The following GPR158 variants were observed in gnomAD, a reference collection of about 807,000 sequenced individuals.
GPR158 encodes the protein G protein-coupled receptor 158, also known as metabotropic glycine receptor.
In GPR158, 30 loss-of-function variants were observed where a neutral mutation model predicts 78.2. That is an observed-to-expected ratio of 0.38 (90% CI 0.29 to 0.52). The LOEUF (loss-of-function observed/expected upper bound fraction) is 0.52, where lower values mean the gene tolerates loss of function less well. Ranked by LOEUF, GPR158 falls within the 20% of genes least tolerant of loss-of-function variation. The pLI, the probability that GPR158 is intolerant of heterozygous loss-of-function variation, is 0.83. For synonymous variants in GPR158, 581 were observed against 591.1 expected, an observed-to-expected ratio of 0.98 and a Z score of 0.25; for missense variants, 1,463 against 1,523.5, an observed-to-expected ratio of 0.96 and a Z score of 0.66.
intron 5 of GPR158, among the ~76,000 whole-genome samples, chr10:25,537,082 A>G (rs959790794): frequency 2.0e-5 from 3 of 152,236 alleles, no homozygotes; most frequent in African/African-American, 7.2e-5. Flanking sequence ...TCTGCCAGAA[A>G]ATGATTGTAA....
At chr10:25,312,052 C>T (rs1182477911) in intron 2 of GPR158, among the ~76,000 whole-genome samples, 2 of 151,908 alleles carry the variant, frequency 1.3e-5, no homozygotes, top group Non-Finnish European at 2.9e-5. Flanking sequence ...TGGCCTTATA[C>T]AAATTTGTAG....
chr10:25,291,965 A>G (rs1228423155), intron 2 of GPR158, among the ~76,000 whole-genome samples: 1 of 152,106 alleles, frequency 6.6e-6, no homozygotes, highest in Non-Finnish European at 1.5e-5. Context: ...TACTGGGGAA[A>G]CTTACTGTAG....
chr10:25,238,007 TCTC>T (rs1853549138), intron 2 of GPR158, among the ~76,000 whole-genome samples: 1 of 152,174 alleles, frequency 6.6e-6, no homozygotes, highest in African/African-American at 2.4e-5. Flanking sequence ...TCTTCTTTTC[TCTC>T]TTCTCTGCTC....
intron 4 of GPR158, among the ~76,000 whole-genome samples, chr10:25,445,914 G>C (rs1434273027): frequency 6.6e-5 from 10 of 152,154 alleles, no homozygotes; most frequent in African/African-American, 1.9e-4. Context: ...GACATCCTGA[G>C]GTTAAGGTAT....
intron 4 of GPR158, among the ~76,000 whole-genome samples, chr10:25,430,857 T>C (rs1260969841): frequency 6.6e-6 from 1 of 151,838 alleles, no homozygotes; most frequent in Admixed American, 6.6e-5. Context: ...ATACAAAAAT[T>C]AATTCAACAT....
intron 2 of GPR158, among the ~76,000 whole-genome samples, chr10:25,387,974 CT>C (rs1452570546): frequency 3.5e-5 from 3 of 85,144 alleles, no homozygotes; most frequent in Admixed American, 2.0e-4. Flanking sequence ...TATATCTGTT[CT>C]TTTTTATTAT....
At chr10:25,308,619 T>A (rs1484664115) in intron 2 of GPR158, among the ~76,000 whole-genome samples, 1 of 152,176 alleles carries the variant, frequency 6.6e-6, no homozygotes, top group African/African-American at 2.4e-5. Flanking sequence ...ACTAAGCACA[T>A]TCATCTTTCA....
intron 2 of GPR158, among the ~76,000 whole-genome samples, chr10:25,223,026 A>G (rs183345843): frequency 6.6e-6 from 1 of 152,126 alleles, no homozygotes; most frequent in Non-Finnish European, 1.5e-5. Context: ...CAGGATGATT[A>G]ATTTTCTGGG....
At chr10:25,298,129 T>C (rs1854541959) in intron 2 of GPR158, among the ~76,000 whole-genome samples, 1 of 152,226 alleles carries the variant, frequency 6.6e-6, no homozygotes, top group African/African-American at 2.4e-5. Flanking sequence ...TATATACTAA[T>C]AGGTTACTTC....
chr10:25,179,763 A>T (rs934561904), intron 1 of GPR158, among the ~76,000 whole-genome samples: 1 of 152,182 alleles, frequency 6.6e-6, no homozygotes, highest in African/African-American at 2.4e-5. Context: ...CTTTTGTTAC[A>T]TATCTATGGT....
chr10:25,529,115 A>T (rs1836389811), intron 5 of GPR158, among the ~76,000 whole-genome samples: 1 of 152,188 alleles, frequency 6.6e-6, no homozygotes, highest in South Asian at 2.1e-4. Flanking sequence ...ACGGCCAGGC[A>T]TGGTGGCTCA....
chr10:25,592,984 G>A (rs1837361531), intron 8 of GPR158, among the ~76,000 whole-genome samples: 1 of 150,984 alleles, frequency 6.6e-6, no homozygotes, highest in Non-Finnish European at 1.5e-5. Context: ...GTCAAAACTG[G>A]TTCAGTTTTG....
rs567541842 is a variant in GPR158, at chr10:25,564,765, G to T, written c.1515-7884G>T. 1.2e-4 allele frequency among the ~76,000 whole-genome samples: 19 copies of T among 152,212 alleles called. No individual in the cohort carries two copies. In the South Asian group the frequency reaches 3.7e-3, roughly 30 times the overall value. On this transcript the variant is annotated intron_variant, in intron 6 of 10. Transcript: ENST00000376351. ...TTTTTACTCAGATTCAGCTGTTTTT[G>T]TTTTTTCTCTCTTAAGTATCCCCTT...
intron 5 of GPR158, among the ~76,000 whole-genome samples, chr10:25,493,296 TCACG>T (rs1835835825): frequency 6.6e-6 from 1 of 152,192 alleles, no homozygotes; most frequent in African/African-American, 2.4e-5. Flanking sequence ...TCAGCATTAC[TCACG>T]CAATTCCTCT....
At chr10:25,471,412 A>G (rs929400842) in intron 5 of GPR158, among the ~76,000 whole-genome samples, 12 of 152,214 alleles carry the variant, frequency 7.9e-5, no homozygotes, top group Non-Finnish European at 1.6e-4. Context: ...TAGTGCCACA[A>G]TAAATATACG....
At chr10:25,232,943 TAA>T (rs1428043850) in intron 2 of GPR158, among the ~76,000 whole-genome samples, 2 of 151,980 alleles carry the variant, frequency 1.3e-5, no homozygotes, top group African/African-American at 2.4e-5. Context: ...ATGAAACAAA[TAA>T]GAGTAAGGCT....
chr10:25,460,529 C>T (rs753162639), intron 4 of GPR158, among the ~76,000 whole-genome samples: 3 of 152,056 alleles, frequency 2.0e-5, no homozygotes, highest in Non-Finnish European at 2.9e-5. Context: ...TGAGTTGACA[C>T]GAAGGTTTTT....
At chr10:25,456,594 G>A (rs1375827879) in intron 4 of GPR158, among the ~76,000 whole-genome samples, 3 of 152,112 alleles carry the variant, frequency 2.0e-5, no homozygotes, top group African/African-American at 7.2e-5. Flanking sequence ...TTACCTTGCA[G>A]AACACAGTTC....
Position 25,594,379 on chromosome 10 carries a change from GT to G in GPR158, c.1982del (p.Leu661CysfsTer3). 1 of 1,538,828 alleles carries G rather than the reference GT, an allele frequency of 6.5e-7. No individual in the cohort carries two copies. The highest frequency in any genetic ancestry group is 8.9e-7 in the Non-Finnish European group (1 of 1,118,896). On this transcript the variant is annotated frameshift_variant, in exon 9 of 11. Coordinates refer to ENST00000376351, the MANE Select transcript of GPR158 (RefSeq NM_020752.3). LOFTEE classifies it high-confidence loss of function. ...THLTVTVTIG[L>X]LLIPKFSHSS... ...ATTTGACTGTGACAGTCACCATTGGGTTGCTTTTGATTCCAAAGGTATTCTT... is the reference window on the plus strand; with the variant it reads ...ATTTGACTGTGACAGTCACCATTGGGTGCTTTTGATTCCAAAGGTATTCTT...
Sources: allele counts gnomAD v4.1 joint callset (sites outside exome capture counted in the v4.1 genomes callset), GRCh38; gene constraint gnomAD v4.1.1; transcripts MANE v1.5; gene names NCBI Gene and HGNC (gene_info 2026-07-23, HGNC 2026-07-21).